TNKS: variants seen among roughly 807,000 people sequenced by gnomAD.
TNKS encodes poly [ADP-ribose] polymerase tankyrase-1.
A neutral mutation model predicts 135.8 loss-of-function variants in TNKS; 72 were observed. That is an observed-to-expected ratio of 0.53 (90% CI 0.44 to 0.64). The LOEUF (loss-of-function observed/expected upper bound fraction) is 0.64. Among genes scored for constraint, TNKS ranks in the 30% least tolerant of loss-of-function variants. The probability of loss-of-function intolerance (pLI) is 0.00; values close to 1 mark genes in which losing one functional copy is unlikely to be tolerated. For missense variants in TNKS, 1,769 were observed against 1,674.0 expected (o/e 1.06, Z -0.99); for synonymous variants, 849 against 649.3 (o/e 1.31, Z -4.68).
chr8:9,724,622 A>G (rs1028692121), intron 12 of TNKS, among the ~76,000 whole-genome samples: 1 of 152,176 alleles, frequency 6.6e-6, no homozygotes, highest in Non-Finnish European at 1.5e-5. Flanking sequence ...CATTTCAGCT[A>G]ATACATTTTT....
chr8:9,770,801 A>G (rs965830764), intron 26 of TNKS, among the ~76,000 whole-genome samples: 5 of 152,232 alleles, frequency 3.3e-5, no homozygotes, highest in African/African-American at 1.2e-4. Context: ...TGTTGGGGGA[A>G]GACTGACAAA....
intron 3 of TNKS, among the ~76,000 whole-genome samples, chr8:9,630,544 T>G (rs1563129367): frequency 6.6e-6 from 1 of 152,134 alleles, no homozygotes; most frequent in African/African-American, 2.4e-5. Context: ...CTTCAAATAA[T>G]TAGATAGTTA....
chr8:9,776,166 G>C (rs1808217201), intron 26 of TNKS, among the ~76,000 whole-genome samples: 1 of 152,208 alleles, frequency 6.6e-6, no homozygotes, highest in Non-Finnish European at 1.5e-5. Context: ...TTCCCAAACT[G>C]TTGTTTCTGG....
intron 3 of TNKS, among the ~76,000 whole-genome samples, chr8:9,677,446 C>T (rs914917826): frequency 1.3e-5 from 2 of 152,090 alleles, no homozygotes; most frequent in African/African-American, 2.4e-5. Context: ...AAATACTTTG[C>T]GGTTTTATTA....
intron 3 of TNKS, chr8:9,670,766 A>G (rs76828037): frequency 6.6e-6 from 1 of 152,210 alleles, no homozygotes. Context: ...ATCAGACTTC[A>G]TGCATACAAA....
At chr8:9,692,216 T>A (rs934662230) in intron 5 of TNKS, among the ~76,000 whole-genome samples, 2 of 152,138 alleles carry the variant, frequency 1.3e-5, no homozygotes, top group African/African-American at 4.8e-5. Flanking sequence ...TCTCAAGCAG[T>A]CCCCGGTGCC....
chr8:9,759,202 G>T (rs908786567), intron 20 of TNKS, among the ~76,000 whole-genome samples: 3 of 152,242 alleles, frequency 2.0e-5, no homozygotes, highest in Non-Finnish European at 4.4e-5. Flanking sequence ...ATGTAAGGAG[G>T]TGGGAATCAT....
chr8:9,634,599 G>A (rs570014845), intron 3 of TNKS, among the ~76,000 whole-genome samples: 2 of 152,196 alleles, frequency 1.3e-5, no homozygotes, highest in Non-Finnish European at 2.9e-5. Flanking sequence ...TGTAGAAGAA[G>A]AAGATACAAA....
At chr8:9,749,443 T>C (rs1039239310) in intron 18 of TNKS, among the ~76,000 whole-genome samples, 1 of 151,604 alleles carries the variant, frequency 6.6e-6, no homozygotes, top group African/African-American at 2.4e-5. Flanking sequence ...TCACTGTGGC[T>C]GTCTTTTTTT....
chr8:9,690,908 T>A (rs906589476), intron 5 of TNKS, among the ~76,000 whole-genome samples: 7 of 152,180 alleles, frequency 4.6e-5, no homozygotes, highest in Admixed American at 4.6e-4. Flanking sequence ...ATTCATAGAA[T>A]CTTACTTGGA....
intron 3 of TNKS, among the ~76,000 whole-genome samples, chr8:9,623,417 C>T (rs1173909951): frequency 7.4e-6 from 1 of 134,932 alleles, no homozygotes; most frequent in Non-Finnish European, 1.6e-5. Flanking sequence ...GCAAATATTG[C>T]CATAAAGTGA....
At chr8:9,578,392 G>A (rs752457135) in intron 1 of TNKS, among the ~76,000 whole-genome samples, 2 of 152,188 alleles carry the variant, frequency 1.3e-5, no homozygotes, top group Non-Finnish European at 2.9e-5. Flanking sequence ...CTGGTAAGAT[G>A]CTGACAGTTT....
chr8:9,560,164 G>C (rs1797267837), intron 1 of TNKS, among the ~76,000 whole-genome samples: 1 of 152,088 alleles, frequency 6.6e-6, no homozygotes, highest in Admixed American at 6.5e-5. Context: ...ACATATTTTT[G>C]TTAAAGGACC....
At chr8:9,562,848 T>A (rs1175276541) in intron 1 of TNKS, among the ~76,000 whole-genome samples, 1 of 152,052 alleles carries the variant, frequency 6.6e-6, no homozygotes, top group African/African-American at 2.4e-5. Flanking sequence ...GCAAAGGATT[T>A]TTTTTTTCTC....
chr8:9,601,451 A>G (rs971968238), intron 2 of TNKS, among the ~76,000 whole-genome samples: 3 of 152,130 alleles, frequency 2.0e-5, no homozygotes, highest in African/African-American at 7.2e-5. Context: ...TCCTTGGCCA[A>G]ACTTTTTAAG....
intron 6 of TNKS, among the ~76,000 whole-genome samples, 161 bp downstream of exon 6, chr8:9,704,918 C>T (rs1485028460): frequency 6.6e-6 from 1 of 152,144 alleles, no homozygotes; most frequent in Non-Finnish European, 1.5e-5. Context: ...CATGTACCTA[C>T]TTAATTAAGG....
intron 11 of TNKS, among the ~76,000 whole-genome samples, chr8:9,712,322 A>G (rs1326806734): frequency 6.6e-6 from 1 of 152,104 alleles, no homozygotes; most frequent in Admixed American, 6.6e-5. Context: ...TCTACAAAAA[A>G]TTTAAAAATT....
chr8:9,632,822 C>T (rs561512488), intron 3 of TNKS, among the ~76,000 whole-genome samples: 2 of 152,272 alleles, frequency 1.3e-5, no homozygotes, highest in African/African-American at 2.4e-5. Flanking sequence ...CTCCGCCTCC[C>T]GGGTTCATAC....
At chr8:9,561,751 G>A (rs894608505) in intron 1 of TNKS, among the ~76,000 whole-genome samples, 2 of 152,132 alleles carry the variant, frequency 1.3e-5, no homozygotes, top group African/African-American at 4.8e-5. Flanking sequence ...GTAGGTAAAT[G>A]TCCGGTTTTA....
Sources: allele counts gnomAD v4.1 joint callset (sites outside exome capture counted in the v4.1 genomes callset), GRCh38; gene constraint gnomAD v4.1.1; transcripts MANE v1.5; gene names NCBI Gene and HGNC (gene_info 2026-07-23, HGNC 2026-07-21).